The following TMEM150C variants were observed in gnomAD, a reference collection of about 807,000 sequenced individuals.
TMEM150C encodes the protein transmembrane protein 150C, also known as tentonin 3.
Under a neutral mutation model 29.9 loss-of-function variants are expected in TMEM150C, and 10 were observed. That is an observed-to-expected ratio of 0.33 (90% CI 0.21 to 0.57). The LOEUF is 0.57. Ranked by LOEUF, TMEM150C falls within the 20% of genes least tolerant of loss-of-function variation. The pLI, the probability that TMEM150C is intolerant of heterozygous loss-of-function variation, is 0.88. For synonymous variants in TMEM150C, 101 were observed against 112.5 expected, an observed-to-expected ratio of 0.90 and a Z score of 0.64; for missense variants, 251 against 303.6, an observed-to-expected ratio of 0.83 and a Z score of 1.29.
chr4:82,496,323 C>T, intron 5 of TMEM150C, 128 bp from the exon 6 acceptor site: 1 of 902,972 alleles, frequency 1.1e-6, no homozygotes, highest in Non-Finnish European at 1.6e-6. Flanking sequence ...AATTCTAAAG[C>T]CGCAATGTGC....
intron 1 of TMEM150C, among the ~76,000 whole-genome samples, chr4:82,510,693 G>T (rs569392533): frequency 2.1e-4 from 32 of 152,228 alleles, no homozygotes; most frequent in African/African-American, 6.7e-4. Context: ...GGGGGTCTTT[G>T]GTTATCTTTT....
rs199919911 is a variant in TMEM150C, at chr4:82,496,058, A to T, written c.363+10T>A. On this transcript the variant is annotated intron_variant, in intron 6 of 7. Transcript: ENST00000449862. ...TGTCAGAGGGAGGTGAAAAAGGCCA[A>T]ATCAAGTACCTGAAAATTACCAAGT... 16 of 1,613,988 alleles carry T rather than the reference A, an allele frequency of 9.9e-6. No individual in the cohort carries two copies. The East Asian group carries it at 3.6e-4, about 36-fold the overall frequency.
upstream of TMEM150C, chr4:82,562,246 A>T: frequency 7.8e-7 from 1 of 1,282,648 alleles, no homozygotes; most frequent in Non-Finnish European, 1.0e-6. Flanking sequence ...TCCTCATCCA[A>T]CAAAAGGAAG....
intron 1 of TMEM150C, among the ~76,000 whole-genome samples, chr4:82,552,042 T>G (rs988543579): frequency 2.6e-5 from 4 of 152,016 alleles, no homozygotes; most frequent in African/African-American, 9.7e-5. Context: ...AAAGAGGCTG[T>G]CCCCTCCCTC....
At chr4:82,502,467 A>G (rs1358416016) in intron 5 of TMEM150C, among the ~76,000 whole-genome samples, 1 of 152,208 alleles carries the variant, frequency 6.6e-6, no homozygotes, top group East Asian at 1.9e-4. Context: ...TATTTTATGC[A>G]GCAAAATAGA....
rs538806923 is a variant in TMEM150C, at chr4:82,486,258, A to T, written c.542-539T>A. Among the ~76,000 whole-genome samples, 8 of 150,392 alleles carry T rather than the reference A, an allele frequency of 5.3e-5. 1 individual carries two copies. Among genetic ancestry groups the T allele is most frequent in the South Asian group, 4.2e-4 (2 of 4,724 alleles). On this transcript the variant is annotated intron_variant, in intron 7 of 7. Coordinates refer to ENST00000449862, the MANE Select transcript of TMEM150C (RefSeq NM_001080506.3). ...TTTGCCAGAAAAATTAAGCTATTTT[A>T]AAAAAAAATCACTGCAAATGGTGAG...
intron 7 of TMEM150C, among the ~76,000 whole-genome samples, chr4:82,488,948 A>C (rs1560478381): frequency 6.6e-6 from 1 of 151,976 alleles, no homozygotes; most frequent in Non-Finnish European, 1.5e-5. Flanking sequence ...TGTTAGAGAC[A>C]GAGTCGATCT....
At position 82,554,289 on chromosome 4, in the gene TMEM150C, T is replaced by C. The variant is rs968453186; in HGVS notation, c.-11+7617A>G. Among the ~76,000 whole-genome samples the C allele has an allele frequency of 5.3e-5, 8 of 152,328 alleles. No individual in the cohort carries two copies. The East Asian group carries it at 1.5e-3, about 29-fold the overall frequency. On this transcript the variant is annotated intron_variant, in intron 1 of 7. Coordinates refer to ENST00000449862, the MANE Select transcript of TMEM150C (RefSeq NM_001080506.3). ...GAAATTCCAGGAGATATATTTCCAT[T>C]AGAAATTCCAGGATGATTATATTAC...
At chr4:82,488,798 T>C (rs1302438636) in intron 7 of TMEM150C, among the ~76,000 whole-genome samples, 1 of 152,110 alleles carries the variant, frequency 6.6e-6, no homozygotes, top group African/African-American at 2.4e-5. Context: ...AAACAAATTT[T>C]TATAGAGACC....
At chr4:82,548,876 G>T (rs1725470575) in intron 1 of TMEM150C, among the ~76,000 whole-genome samples, 4 of 152,240 alleles carry the variant, frequency 2.6e-5, no homozygotes, top group African/African-American at 9.6e-5. Context: ...ACTTGTGTGT[G>T]CAGGAAACAG....
At chr4:82,494,916 C>T (rs1054020114) in intron 6 of TMEM150C, 1 of 555,384 alleles carries the variant, frequency 1.8e-6, no homozygotes, top group Non-Finnish European at 3.4e-6. Context: ...TTGTTCCTTG[C>T]GCTTCTCTTT....
chr4:82,485,500 A>G lies in TMEM150C; in HGVS notation c.*11T>C. 1.9e-6 allele frequency: 3 copies of G among 1,584,270 alleles called. No individual in the cohort carries two copies. The highest frequency in any genetic ancestry group is 2.6e-6 in the Non-Finnish European group (3 of 1,164,376). Reference sequence around the variant, plus strand: ...TCACACCCACCTCACCAGCAAGGAAAAACTGATGGTTTACACCTGGTCAGT... The same window carrying G: ...TCACACCCACCTCACCAGCAAGGAAGAACTGATGGTTTACACCTGGTCAGT... On this transcript the variant is annotated 3_prime_UTR_variant, in exon 8 of 8. Coordinates refer to ENST00000449862, the MANE Select transcript of TMEM150C (RefSeq NM_001080506.3).
Position 82,540,114 on chromosome 4 carries a change from C to CTTTT in TMEM150C, c.-11+21788_-11+21791dup, listed in dbSNP as rs577728662. ...TAGTCATTCAATGTTTCTACCTATT[C>CTTTT]TTTTTTTTTTTTTTTTTTTTTTTTT... On this transcript the variant is annotated intron_variant, in intron 1 of 7. Coordinates refer to ENST00000449862, the MANE Select transcript of TMEM150C (RefSeq NM_001080506.3). Among the ~76,000 whole-genome samples the CTTTT allele has an allele frequency of 3.8e-4, 18 of 47,256 alleles. 5 individuals are homozygous for CTTTT. Among genetic ancestry groups the CTTTT allele is most frequent in the Admixed American group, 1.0e-3 (4 of 3,900 alleles). 31.0% of individuals were successfully genotyped at this position (47,256 alleles called of 152,430 possible). A position where few individuals can be genotyped will look rare whatever the true frequency, so the allele number is the denominator to read the frequency against.
intron 1 of TMEM150C, among the ~76,000 whole-genome samples, chr4:82,539,466 T>A (rs1297615652): frequency 6.6e-6 from 1 of 152,130 alleles, no homozygotes; most frequent in Non-Finnish European, 1.5e-5. Context: ...CAACTTTTTT[T>A]TTTTGAGACA....
intron 1 of TMEM150C, among the ~76,000 whole-genome samples, chr4:82,524,335 TG>T (rs1423453171): frequency 2.6e-5 from 4 of 152,144 alleles, no homozygotes; most frequent in East Asian, 1.9e-4. Flanking sequence ...ATTTTTGTGT[TG>T]AAAAAAAAAT....
intron 6 of TMEM150C, among the ~76,000 whole-genome samples, chr4:82,492,707 T>C: frequency 6.7e-6 from 1 of 148,658 alleles, no homozygotes; most frequent in East Asian, 2.0e-4. Flanking sequence ...TCTATACATA[T>C]GTAAATATAT....
At chr4:82,540,114 C>CTTTTTTTTTTTTTTTTTTTTTT (rs577728662) in intron 1 of TMEM150C, among the ~76,000 whole-genome samples, 1 of 47,258 alleles carries the variant, frequency 2.1e-5, no homozygotes, top group Non-Finnish European at 5.2e-5. Flanking sequence ...TCTACCTATT[C>CTTTTTTTTTTTTTTTTTTTTTT]TTTTTTTTTT....
At chr4:82,541,979 A>C (rs145616665) in intron 1 of TMEM150C, among the ~76,000 whole-genome samples, 2,669 of 152,322 alleles carry the variant, frequency 0.018, 40 homozygotes, top group Middle Eastern at 0.034. Flanking sequence ...GTAGAAATAC[A>C]GCTGCCAAGA....
intron 5 of TMEM150C, among the ~76,000 whole-genome samples, chr4:82,497,758 G>A (rs932668417): frequency 6.6e-6 from 1 of 152,102 alleles, no homozygotes; most frequent in Non-Finnish European, 1.5e-5. Context: ...AGTTATATCC[G>A]AAGTCTTTAA....
Sources: gnomAD v4.1 joint callset for allele counts (sites outside exome capture counted in the v4.1 genomes callset) on GRCh38, gnomAD v4.1.1 for gene constraint, MANE v1.5 for transcripts, NCBI Gene and HGNC (gene_info 2026-07-23, HGNC 2026-07-21) for gene names.